AKAP9: variants seen among roughly 807,000 people sequenced by gnomAD.
AKAP9 encodes the protein A-kinase anchoring protein 9.
A neutral mutation model predicts 488.5 loss-of-function variants in AKAP9; 311 were observed. The ratio of observed to expected loss-of-function variants is 0.64; its 90% CI spans 0.58 to 0.70. The LOEUF (loss-of-function observed/expected upper bound fraction) is 0.70, where lower values mean the gene tolerates loss of function less well. Among genes scored for constraint, AKAP9 ranks in the 30% least tolerant of loss-of-function variants. The pLI, the probability that AKAP9 is intolerant of heterozygous loss-of-function variation, is 0.00. For synonymous variants in AKAP9, 1,462 were observed against 1,483.5 expected, an observed-to-expected ratio of 0.99 and a Z score of 0.33; for missense variants, 4,215 against 4,374.5, an observed-to-expected ratio of 0.96 and a Z score of 1.03.
rs532716010 is a variant in AKAP9 at position 92,004,991 on chromosome 7, C to T, written c.3318+1756C>T. Among the ~76,000 whole-genome samples, 3 of 152,260 alleles carry T rather than the reference C, an allele frequency of 2.0e-5. No individual in the cohort carries two copies. The South Asian group carries it at 6.2e-4, about 32-fold the overall frequency. The stretch of plus-strand genomic sequence containing the variant: ...GCTCTTACTATTTTGAGATATGCCC[C>T]ATCAGTACCTAATTTATTGAGAGTT... On this transcript the variant is annotated intron_variant, in intron 8 of 49. Coordinates refer to ENST00000356239, the MANE Select transcript of AKAP9 (RefSeq NM_005751.5).
In AKAP9 at chr7:92,108,728, A is replaced by G. The variant is rs961969562; in HGVS notation, c.11686+95A>G. 5.4e-6 allele frequency: 8 copies of G among 1,479,052 alleles called. No individual in the cohort carries two copies. The Admixed American group carries it at 7.4e-5, about 14-fold the overall frequency. The allele number at this position is 1,479,052 out of a possible 1,614,324, so 91.6% of individuals were successfully genotyped here. A position where few individuals can be genotyped will look rare whatever the true frequency, so the allele number is the denominator to read the frequency against. ...TCTTTCACACTCATTAGGATAATCA[A>G]AGCTTCCAGTTTAGTGCATGAGCTA... On this transcript the variant is annotated intron_variant, in intron 49 of 49. Transcript: ENST00000356239.
chr7:91,964,584 C>A (rs1234529659), intron 1 of AKAP9, among the ~76,000 whole-genome samples: 2 of 151,822 alleles, frequency 1.3e-5, no homozygotes, highest in African/African-American at 4.8e-5. Context: ...GGATTTGTAC[C>A]CCCTAAATCT....
intron 3 of AKAP9, among the ~76,000 whole-genome samples, chr7:91,991,162 A>C (rs1368480424): frequency 6.6e-6 from 1 of 152,236 alleles, no homozygotes; most frequent in Non-Finnish European, 1.5e-5. Context: ...ATAAACATCC[A>C]TTTCGTTACA....
At chr7:92,093,057 T>G in intron 38 of AKAP9, 40 bp from the exon 39 acceptor site, 1 of 1,529,826 alleles carries the variant, frequency 6.5e-7, no homozygotes, top group Non-Finnish European at 9.0e-7. Context: ...AAATATGAGT[T>G]GCTTGATTAT....
Position 92,079,110 on chromosome 7 carries a change from A to T in AKAP9, c.6977A>T (p.Asp2326Val). 6.2e-7 allele frequency: 1 copy of T among 1,612,066 alleles called. No homozygotes were observed. Among genetic ancestry groups the T allele is most frequent in the Non-Finnish European group, 8.5e-7 (1 of 1,179,164 alleles). The change falls in exon 31 of 50, where the codon GAT becomes GTT. Residue 2326 changes from aspartate to valine, a missense_variant. By Grantham distance (152) the Asp-to-Val change is radical. This residue lies in a region of AKAP9 where 1,476 missense variants were observed against 1,477.4 expected (regional missense o/e 1.00). Transcript: ENST00000356239. ...GAAGAAAAAAATGAACTGATAAGGG[A>T]TCTTGAAACCCAAATAGAATGTTTG... is the stretch of plus-strand genomic sequence containing the variant. ...VIEEKNELIRDLETQIECLMS... is the reference protein window; with the variant it reads ...VIEEKNELIRVLETQIECLMS...
chr7:92,095,160 A>G lies in AKAP9; in HGVS notation c.9716A>G (p.Lys3239Arg). 1.9e-6 allele frequency: 3 copies of G among 1,614,210 alleles called. No homozygotes were observed. Among genetic ancestry groups the G allele is most frequent in the Non-Finnish European group, 2.5e-6 (3 of 1,180,022 alleles). Residue 3239 changes from lysine to arginine, a missense_variant, in exon 40 of 50, where the codon AAA (lysine) becomes AGA (arginine). Physicochemically the swap from Lys to Arg is conservative, Grantham distance 26 (BLOSUM62 2). Around this residue, in one of 5 missense-constraint regions of AKAP9, gnomAD observed 1,476 missense variants for 1,477.4 expected, o/e 1.00. Transcript: ENST00000356239. ...TTGGGACGCAGTGAAGAACGGGATAAAGAAGAACTTGAGGTACTGTTATCT... is the reference window on the plus strand; with the variant it reads ...TTGGGACGCAGTGAAGAACGGGATAGAGAAGAACTTGAGGTACTGTTATCT... ...AKLGRSEERD[K>R]EELEDLKFSL... is the part of the protein sequence containing the mutation.
chr7:92,073,533 C>T (rs1812087424), intron 28 of AKAP9, among the ~76,000 whole-genome samples: 1 of 151,818 alleles, frequency 6.6e-6, no homozygotes, highest in Non-Finnish European at 1.5e-5. Flanking sequence ...AAAATAGATG[C>T]AAATTAATCC....
Position 91,974,115 on chromosome 7 carries a change from A to G in AKAP9, c.306+147A>G, listed in dbSNP as rs376912122. On this transcript the variant is annotated intron_variant, in intron 2 of 49. Coordinates refer to ENST00000356239, the MANE Select transcript of AKAP9 (RefSeq NM_005751.5). ...GTATGGTAACTAAACAGTCATAACT[A>G]AAATATTTGATCATCTCAGAGAGGG... 9.5e-6 allele frequency: 9 copies of G among 946,708 alleles called. No homozygotes were observed. In the East Asian group the frequency reaches 1.0e-4, roughly 11 times the overall value. 58.6% of individuals were successfully genotyped at this position (946,708 alleles called of 1,614,324 possible).
chr7:92,093,960 C>T (rs926117449), intron 39 of AKAP9, among the ~76,000 whole-genome samples: 1 of 151,944 alleles, frequency 6.6e-6, no homozygotes. Context: ...AAGTGATTCT[C>T]CTGCCTCAGC....
chr7:91,989,069 A>T (rs1797457343), intron 3 of AKAP9, among the ~76,000 whole-genome samples: 1 of 152,194 alleles, frequency 6.6e-6, no homozygotes, highest in Non-Finnish European at 1.5e-5. Flanking sequence ...GTGGTTTTTT[A>T]AATTGCTCAT....
chr7:92,094,011 T>C (rs1240927957), intron 39 of AKAP9, among the ~76,000 whole-genome samples: 1 of 151,620 alleles, frequency 6.6e-6, no homozygotes, highest in African/African-American at 2.4e-5. Context: ...CCACCATGCC[T>C]GGCTAATTTT....
chr7:91,976,212 T>C (rs1205005087), intron 2 of AKAP9, among the ~76,000 whole-genome samples: 1 of 152,086 alleles, frequency 6.6e-6, no homozygotes, highest in Non-Finnish European at 1.5e-5. Context: ...CATTAGCCAC[T>C]ATGCCCATCC....
chr7:92,078,162 A>C (rs1167727052), intron 30 of AKAP9, among the ~76,000 whole-genome samples: 1 of 151,750 alleles, frequency 6.6e-6, no homozygotes, highest in Non-Finnish European at 1.5e-5. Flanking sequence ...ACACCTGGCT[A>C]ATTTTTTGTA....
chr7:92,102,754 A>G lies in AKAP9; in HGVS notation c.11258A>G (p.Glu3753Gly). 1.2e-6 allele frequency: 2 copies of G among 1,614,174 alleles called. No homozygotes were observed. The highest frequency in any genetic ancestry group is 1.7e-6 in the Non-Finnish European group (2 of 1,180,032). ...MGGQPAFTDL[E>G]VITNRPKGFT... ...GGGCAGCCAGCTTTCACGGATCTAG[A>G]GGTGATCACCAATCGCCCAAAGGGC... is the stretch of plus-strand genomic sequence containing the variant. Residue 3753 changes from glutamate (E) to glycine (G), a missense_variant, in exon 46 of 50, where the codon GAG becomes GGG. By Grantham distance (98) the Glu-to-Gly change is moderately conservative (BLOSUM62 -2). This residue lies in a region of AKAP9 where 253 missense variants were observed against 266.8 expected (regional missense o/e 0.95). Transcript: ENST00000356239.
chr7:92,027,586 C>A (rs13307252), intron 14 of AKAP9, among the ~76,000 whole-genome samples: 1 of 148,330 alleles, frequency 6.7e-6, no homozygotes, highest in South Asian at 2.2e-4. Flanking sequence ...GCCCGGCTGC[C>A]CCGTCTGGGA....
In AKAP9 at chr7:91,971,982, C is replaced by CTTTTTTT. The variant is rs71107846; in HGVS notation, c.49-1715_49-1709dup. ...ATAGAGTCTTTTATGTTTTGCCTCTCTTTTTTTTTTTTTTTTTTTTGCACT... is the reference window on the plus strand; with the variant it reads ...ATAGAGTCTTTTATGTTTTGCCTCTCTTTTTTTTTTTTTTTTTTTTTTTTTTTGCACT... On this transcript the variant is annotated intron_variant, in intron 1 of 49. Transcript: ENST00000356239. 1.4e-3 allele frequency among the ~76,000 whole-genome samples: 127 copies of CTTTTTTT among 91,858 alleles called. 2 individuals carry two copies. Among genetic ancestry groups the CTTTTTTT allele is most frequent in the African/African-American group, 1.5e-3 (33 of 22,118 alleles). 60.3% of individuals were successfully genotyped at this position (91,858 alleles called of 152,430 possible).
At chr7:91,973,436 G>A (rs949589762) in intron 1 of AKAP9, among the ~76,000 whole-genome samples, 5 of 152,196 alleles carry the variant, frequency 3.3e-5, no homozygotes, top group Admixed American at 3.3e-4. Context: ...GACAGTGCCT[G>A]ATTTCCCTTA....
intron 16 of AKAP9, 47 bp from the exon 17 acceptor site, chr7:92,038,372 T>A (rs1805521979): frequency 6.8e-7 from 1 of 1,463,498 alleles, no homozygotes. Flanking sequence ...AAATTCCTGC[T>A]GATATTTCTA....
intron 21 of AKAP9, among the ~76,000 whole-genome samples, chr7:92,050,876 C>T (rs1369976918): frequency 1.3e-5 from 2 of 152,028 alleles, no homozygotes; most frequent in Non-Finnish European, 2.9e-5. Context: ...TTAATGATTT[C>T]TCTGTCACCT....
Sources: allele counts gnomAD v4.1 joint callset (sites outside exome capture counted in the v4.1 genomes callset), GRCh38; gene constraint gnomAD v4.1.1; regional missense constraint gnomAD v4.1.1; transcripts MANE v1.5; gene names NCBI Gene and HGNC (gene_info 2026-07-23, HGNC 2026-07-21).